Variants in LAMA2 observed in about 807,000 individuals in gnomAD.
LAMA2 encodes the protein laminin subunit alpha-2.
A neutral mutation model predicts 364.8 loss-of-function variants in LAMA2; 269 were observed. That is an observed-to-expected ratio of 0.74 (90% CI 0.67 to 0.82). The LOEUF (loss-of-function observed/expected upper bound fraction) is 0.82. Among genes scored for constraint, LAMA2 ranks in the 40% least tolerant of loss-of-function variants. The probability of loss-of-function intolerance (pLI) is 0.00; values close to 1 mark genes in which losing one functional copy is unlikely to be tolerated. For missense variants in LAMA2, 3,807 were observed against 3,873.2 expected, an observed-to-expected ratio of 0.98 and a Z score of 0.45; for synonymous variants, 1,379 against 1,370.6, an observed-to-expected ratio of 1.01 and a Z score of -0.14.
chr6:129,383,408 A>G (rs1255418135), intron 35 of LAMA2, among the ~76,000 whole-genome samples, 175 bp downstream of exon 35: 1 of 152,202 alleles, frequency 6.6e-6, no homozygotes, highest in East Asian at 1.9e-4. Context: ...AGAACCTGTG[A>G]CCTGCAGTGT....
At chr6:128,905,913 C>G (rs554802060) in intron 1 of LAMA2, among the ~76,000 whole-genome samples, 47 of 152,098 alleles carry the variant, frequency 3.1e-4, no homozygotes, top group African/African-American at 1.1e-3. Flanking sequence ...TGATAGTTTG[C>G]TGAGAATGAT....
At chr6:129,476,788 T>G (rs1784086257) in intron 53 of LAMA2, among the ~76,000 whole-genome samples, 3 of 142,446 alleles carry the variant, frequency 2.1e-5, no homozygotes, top group African/African-American at 8.0e-5. Context: ...CAGTTGGGCA[T>G]GTTCTTTATA....
At chr6:129,310,716 A>C (rs924055775) in intron 22 of LAMA2, among the ~76,000 whole-genome samples, 32 of 152,266 alleles carry the variant, frequency 2.1e-4, no homozygotes, top group African/African-American at 7.2e-4. Context: ...ACAGAAGAGC[A>C]GCTACTCCCT....
intron 1 of LAMA2, among the ~76,000 whole-genome samples, chr6:128,983,233 T>C (rs1271858846): frequency 6.6e-6 from 1 of 152,000 alleles, no homozygotes; most frequent in East Asian, 1.9e-4. Context: ...CCACCAACAG[T>C]GTAAAAGTGT....
At chr6:128,907,641 A>T (rs377544169) in intron 1 of LAMA2, among the ~76,000 whole-genome samples, 1 of 152,028 alleles carries the variant, frequency 6.6e-6, no homozygotes, top group Non-Finnish European at 1.5e-5. Flanking sequence ...TCTCCTGCCT[A>T]ATTGCCCTGG....
intron 3 of LAMA2, among the ~76,000 whole-genome samples, chr6:129,060,427 T>A (rs1042534417): frequency 6.6e-6 from 1 of 152,192 alleles, no homozygotes; most frequent in Non-Finnish European, 1.5e-5. Context: ...GTTGTTCAAG[T>A]TTGTCTTGCA....
chr6:128,909,465 C>T (rs1443851227), intron 1 of LAMA2, among the ~76,000 whole-genome samples: 1 of 150,066 alleles, frequency 6.7e-6, no homozygotes, highest in Admixed American at 6.7e-5. Context: ...CAACCCCTGC[C>T]TTTTTTTGTT....
At chr6:128,961,356 T>TATATATATTTTATATATATATATATATA (rs1284718117) in intron 1 of LAMA2, among the ~76,000 whole-genome samples, 1 of 76,146 alleles carries the variant, frequency 1.3e-5, no homozygotes, top group African/African-American at 5.5e-5. Flanking sequence ...TATATATATA[T>TATATATATTTTATATATATATATATATA]ATATATATAT....
chr6:129,205,186 G>C (rs1436482003), intron 12 of LAMA2, among the ~76,000 whole-genome samples: 2 of 151,466 alleles, frequency 1.3e-5, no homozygotes, highest in African/African-American at 2.4e-5. Flanking sequence ...TCAGGAGATG[G>C]AGACCATCCT....
chr6:129,249,170 C>T (rs537576210), intron 12 of LAMA2, among the ~76,000 whole-genome samples: 28 of 152,228 alleles, frequency 1.8e-4, no homozygotes, highest in East Asian at 1.2e-3. Context: ...CAGGGTTGGA[C>T]GTGAAAGGCC....
intron 9 of LAMA2, among the ~76,000 whole-genome samples, chr6:129,177,500 CACTT>C: frequency 6.6e-6 from 1 of 152,254 alleles, no homozygotes; most frequent in East Asian, 1.9e-4. Context: ...TTTCTATTGA[CACTT>C]AGAAGATGCT....
At position 128,977,847 on chromosome 6, in the gene LAMA2, C is replaced by A. The variant is rs144567228; in HGVS notation, c.113-72071C>A. Among the ~76,000 whole-genome samples the A allele has an allele frequency of 3.2e-4, 49 of 151,912 alleles. 1 individual carries two copies. In the East Asian group the frequency reaches 9.1e-3, roughly 28 times the overall value. Reference sequence around the variant, plus strand: ...TGAAACAATTTCATCACTTTTTTTTCTCTTGTTTGCCTCAGAGTATGGTTG... The same window carrying A: ...TGAAACAATTTCATCACTTTTTTTTATCTTGTTTGCCTCAGAGTATGGTTG... On this transcript the variant is annotated intron_variant, in intron 1 of 64. Coordinates refer to ENST00000421865, the MANE Select transcript of LAMA2 (RefSeq NM_000426.4).
At chr6:129,065,508 C>T (rs1789236040) in intron 3 of LAMA2, among the ~76,000 whole-genome samples, 1 of 151,882 alleles carries the variant, frequency 6.6e-6, no homozygotes, top group African/African-American at 2.4e-5. Flanking sequence ...TATAGAAAAC[C>T]CTGACTCCAC....
intron 10 of LAMA2, among the ~76,000 whole-genome samples, chr6:129,183,797 G>A (rs1033870053): frequency 2.0e-5 from 3 of 151,870 alleles, no homozygotes; most frequent in African/African-American, 4.8e-5. Flanking sequence ...ATCTCATAAT[G>A]AGTAATTCTG....
intron 1 of LAMA2, among the ~76,000 whole-genome samples, chr6:129,014,866 T>A (rs1784978920): frequency 6.6e-6 from 1 of 152,002 alleles, no homozygotes; most frequent in Non-Finnish European, 1.5e-5. Flanking sequence ...AATAAAGATA[T>A]AAAGATTATA....
chr6:128,927,951 C>T (rs1353447499), intron 1 of LAMA2, among the ~76,000 whole-genome samples: 5 of 152,128 alleles, frequency 3.3e-5, no homozygotes, highest in South Asian at 2.1e-4. Flanking sequence ...AGAATTTGTT[C>T]TTAAAGTTTC....
At chr6:129,219,870 A>G (rs1165535647) in intron 12 of LAMA2, among the ~76,000 whole-genome samples, 8 of 147,884 alleles carry the variant, frequency 5.4e-5, no homozygotes, top group South Asian at 2.1e-4. Flanking sequence ...GGAGATGCTA[A>G]ATGACGAGTT....
intron 35 of LAMA2, among the ~76,000 whole-genome samples, chr6:129,389,819 G>T (rs1281998618): frequency 6.6e-6 from 1 of 152,104 alleles, no homozygotes; most frequent in African/African-American, 2.4e-5. Context: ...GAACAGCAAG[G>T]GGGGAGGTTT....
At chr6:129,504,590 C>G (rs9483039) in intron 60 of LAMA2, among the ~76,000 whole-genome samples, 9,838 of 152,178 alleles carry the variant, frequency 0.065, 418 homozygotes, top group Middle Eastern at 0.16. Context: ...GTCTTTACAC[C>G]CCTTATTTCA....
Sources: allele counts gnomAD v4.1 joint callset (sites outside exome capture counted in the v4.1 genomes callset), GRCh38; gene constraint gnomAD v4.1.1; transcripts MANE v1.5; gene names NCBI Gene and HGNC (gene_info 2026-07-23, HGNC 2026-07-21).